Variants in ACOX3 observed in about 807,000 individuals in gnomAD.
The protein encoded by ACOX3 is peroxisomal acyl-coenzyme A oxidase 3.
Under a neutral mutation model 81.5 loss-of-function variants are expected in ACOX3, and 73 were observed. That is an observed-to-expected ratio of 0.90 (90% CI 0.74 to 1.09). The LOEUF is 1.09. ACOX3 is among the 50% of genes least tolerant of loss of function. The pLI is 0.00. For missense variants in ACOX3, 947 were observed against 928.0 expected (o/e 1.02, Z -0.27); for synonymous variants, 387 against 375.1 (o/e 1.03, Z -0.37).
At chr4:8,433,929 C>T (rs1016370552) in intron 1 of ACOX3, among the ~76,000 whole-genome samples, 1 of 152,034 alleles carries the variant, frequency 6.6e-6, no homozygotes, top group Non-Finnish European at 1.5e-5. Flanking sequence ...GCCCTCCTAC[C>T]CCCAAACTTG....
chr4:8,405,857 G>T lies in ACOX3; in HGVS notation c.776+98C>A. The T allele has an allele frequency of 8.2e-7, 1 of 1,220,362 alleles. No homozygotes were observed. The highest frequency in any genetic ancestry group is 2.3e-5 in the East Asian group (1 of 43,050). The allele number at this position is 1,220,362 out of a possible 1,614,324, so 75.6% of individuals were successfully genotyped here. On this transcript the variant is annotated intron_variant, in intron 7 of 17. Coordinates refer to ENST00000356406, the MANE Select transcript of ACOX3 (RefSeq NM_003501.3). The surrounding 1 kb of genome is among the most constrained non-coding windows in gnomAD (Gnocchi z 7.1). The stretch of plus-strand genomic sequence containing the variant: ...CCGCATTTGAGTCTAAGAGGGCAGG[G>T]CATGGCATCCATGGGGCCAGTGAGA...
At chr4:8,361,446 A>AAAAAAC (rs1715233184), downstream of ACOX3, among the ~76,000 whole-genome samples, 1 of 150,536 alleles carries the variant, frequency 6.6e-6, no homozygotes, top group Non-Finnish European at 1.5e-5. Flanking sequence ...AAAAAAAAAA[A>AAAAAAC]AAAAAAAAAA....
chr4:8,371,217 T>C (rs747579), intron 16 of ACOX3, among the ~76,000 whole-genome samples: 13,478 of 152,260 alleles, frequency 0.089, 1,168 homozygotes, highest in African/African-American at 0.22. Context: ...TCAGGACTTC[T>C]AGGGCTTGTT....
Position 8,437,130 on chromosome 4 carries a change from A to AAT in ACOX3, c.-15+3516_-15+3517dup, listed in dbSNP as rs909976277. On this transcript the variant is annotated intron_variant, in intron 1 of 17. Coordinates refer to ENST00000356406, the MANE Select transcript of ACOX3 (RefSeq NM_003501.3). The surrounding 1 kb of genome is among the most constrained non-coding windows in gnomAD (Gnocchi z 5.2). ...ATATATATGTAAAAAAATATATGTAAATATATATATAAATATATATATAGT... is the reference window on the plus strand; with the variant it reads ...ATATATATGTAAAAAAATATATGTAAATATATATATATAAATATATATATAGT... Among the ~76,000 whole-genome samples, 6 of 144,410 alleles carry AAT rather than the reference A, an allele frequency of 4.2e-5. No individual in the cohort carries two copies. The highest frequency in any genetic ancestry group is 1.3e-4 in the African/African-American group (5 of 39,686). The allele number at this position is 144,410 out of a possible 152,430, so 94.7% of individuals were successfully genotyped here.
chr4:8,428,502 G>T (rs1172091370), intron 1 of ACOX3: 1 of 152,344 alleles, frequency 6.6e-6, no homozygotes, highest in Admixed American at 6.5e-5. Flanking sequence ...GGGCGGAGCC[G>T]CGGGCGCCCT....
rs568862573 is a variant in ACOX3, at chr4:8,434,779, GT to G, written c.-15+5868del. 7.2e-5 allele frequency among the ~76,000 whole-genome samples: 11 copies of G among 152,234 alleles called. No homozygotes were observed. In the East Asian group the frequency reaches 2.1e-3, roughly 29 times the overall value. ...TGAAATGCTTGATACTTTGGTTTTT[GT>G]TTTTGACTTGACTTGAATTACTTGA... is the stretch of plus-strand genomic sequence containing the variant. On this transcript the variant is annotated intron_variant, in intron 1 of 17. Coordinates refer to ENST00000356406, the MANE Select transcript of ACOX3 (RefSeq NM_003501.3).
intron 5 of ACOX3, among the ~76,000 whole-genome samples, chr4:8,412,578 G>T (rs1004603046): frequency 5.9e-5 from 9 of 152,200 alleles, no homozygotes; most frequent in Non-Finnish European, 1.0e-4. Context: ...ATGAAAGAAT[G>T]ATGGATGGAT....
chr4:8,391,461 G>A (rs557148402), intron 11 of ACOX3, among the ~76,000 whole-genome samples: 1 of 152,362 alleles, frequency 6.6e-6, no homozygotes, highest in South Asian at 2.1e-4. Flanking sequence ...TGCTGTGGCT[G>A]TTTTGAGTGT....
Position 8,397,154 on chromosome 4 carries a change from G to A in ACOX3, c.874-35C>T, listed in dbSNP as rs77286986. ...GGACACAGATGATAAGCTCAAGCCC[G>A]GCTGCGCGGCCACCTTGGGCAGAGT... On this transcript the variant is annotated intron_variant, in intron 8 of 17. Transcript: ENST00000356406. 7.4e-3 allele frequency: 11,094 copies of A among 1,503,382 alleles called. 63 individuals carry two copies. Among genetic ancestry groups the A allele is most frequent in the Middle Eastern group, 0.022 (100 of 4,462 alleles). 93.1% of individuals were successfully genotyped at this position (1,503,382 alleles called of 1,614,324 possible).
the ACOX3 span, among the ~76,000 whole-genome samples, chr4:8,359,344 C>G: frequency 6.6e-6 from 1 of 151,990 alleles, no homozygotes; most frequent in South Asian, 2.1e-4. The surrounding 1 kb of genome is among the most constrained non-coding windows in gnomAD (Gnocchi z 6.0). Context: ...TGTCCTAAGA[C>G]ACAGTGGGTT....
chr4:8,358,721 T>C, the ACOX3 span, among the ~76,000 whole-genome samples: 2 of 152,166 alleles, frequency 1.3e-5, no homozygotes, highest in Non-Finnish European at 2.9e-5. Flanking sequence ...ACCAGCACCA[T>C]GACAGTTTGC....
At chr4:8,402,741 A>T (rs914288444) in intron 7 of ACOX3, among the ~76,000 whole-genome samples, 3 of 152,212 alleles carry the variant, frequency 2.0e-5, no homozygotes, top group Non-Finnish European at 4.4e-5. Context: ...GTGTGTGTGC[A>T]CAGCACAGGA....
chr4:8,367,099 C>T lies in ACOX3; in HGVS notation c.1984-19G>A. On this transcript the variant is annotated intron_variant, in intron 17 of 17. Coordinates refer to ENST00000356406, the MANE Select transcript of ACOX3 (RefSeq NM_003501.3). ...TGTAGAGCTGCAAACAACACGTACACAGCAAGTGAAGACAAAGAAATAAGA... is the reference window on the plus strand; with the variant it reads ...TGTAGAGCTGCAAACAACACGTACATAGCAAGTGAAGACAAAGAAATAAGA... 3.1e-6 allele frequency: 5 copies of T among 1,610,360 alleles called. No homozygotes were observed. Among genetic ancestry groups the T allele is most frequent in the Non-Finnish European group, 4.2e-6 (5 of 1,177,286 alleles).
At position 8,389,374 on chromosome 4, in the gene ACOX3, A is replaced by C; in HGVS notation, c.1424-88T>G. On this transcript the variant is annotated intron_variant, in intron 12 of 17. Coordinates refer to ENST00000356406, the MANE Select transcript of ACOX3 (RefSeq NM_003501.3). This position sits in a 1 kb window ranked among gnomAD's most constrained non-coding sequence, Gnocchi z 5.3. ...GCTGGGGGCACCCCAAAGCACAGAG[A>C]GTGTCCAGAGGACCCGACGGCCACA... is the stretch of plus-strand genomic sequence containing the variant. The C allele has an allele frequency of 7.1e-7, 1 of 1,400,276 alleles. No individual in the cohort carries two copies. The highest frequency in any genetic ancestry group is 9.8e-7 in the Non-Finnish European group (1 of 1,016,244). 86.7% of individuals were successfully genotyped at this position (1,400,276 alleles called of 1,614,324 possible). A position where few individuals can be genotyped will look rare whatever the true frequency, so the allele number is the denominator to read the frequency against.
In ACOX3 at chr4:8,440,699, A is replaced by C. The variant is rs768774841; in HGVS notation, c.-66T>G. The C allele has an allele frequency of 8.2e-7, 1 of 1,216,082 alleles. No individual in the cohort carries two copies. Among genetic ancestry groups the C allele is most frequent in the Non-Finnish European group, 1.1e-6 (1 of 927,376 alleles). The allele number at this position is 1,216,082 out of a possible 1,614,324, so 75.3% of individuals were successfully genotyped here. On this transcript the variant is annotated 5_prime_UTR_variant, in exon 1 of 18. Coordinates refer to ENST00000356406, the MANE Select transcript of ACOX3 (RefSeq NM_003501.3). ...CCAGGGAAACCAAAAGCAGGAAAGG[A>C]TCTCCAGCGGCGCCATTCTCATTTC...
intron 16 of ACOX3, 121 bp downstream of exon 16, chr4:8,373,440 G>T: frequency 9.8e-7 from 1 of 1,017,756 alleles, no homozygotes. Flanking sequence ...AAGGGGGTGC[G>T]TGTCAGTCTG....
rs778032892 is a variant in ACOX3 at position 8,386,432 on chromosome 4, T to G, written c.1537+2741A>C. 2.6e-5 allele frequency among the ~76,000 whole-genome samples: 4 copies of G among 151,680 alleles called. No homozygotes were observed. The highest frequency in any genetic ancestry group is 4.2e-4 in the South Asian group (2 of 4,798). Reference sequence around the variant, plus strand: ...ATACAAAAAATTAGCCGGGTGTGGTTGTGGGCTCCTGTAGTCCCAGCTACT... The same window carrying G: ...ATACAAAAAATTAGCCGGGTGTGGTGGTGGGCTCCTGTAGTCCCAGCTACT... On this transcript the variant is annotated intron_variant, in intron 13 of 17. Coordinates refer to ENST00000356406, the MANE Select transcript of ACOX3 (RefSeq NM_003501.3). This position sits in a 1 kb window ranked among gnomAD's most constrained non-coding sequence, Gnocchi z 5.2.
rs1447119421 is a variant in ACOX3 at position 8,374,765 on chromosome 4, A to G, written c.1828+213T>C. Reference sequence around the variant, plus strand: ...GTTCTCTGAACCGAACCCCAAGTGAAAGAAAAATTGGGTTTCTCGGCACCA... The same window carrying G: ...GTTCTCTGAACCGAACCCCAAGTGAGAGAAAAATTGGGTTTCTCGGCACCA... On this transcript the variant is annotated intron_variant, in intron 15 of 17. Coordinates refer to ENST00000356406, the MANE Select transcript of ACOX3 (RefSeq NM_003501.3). 3.3e-5 allele frequency: 16 copies of G among 481,650 alleles called. No homozygotes were observed. The East Asian group carries it at 5.3e-4, about 16-fold the overall frequency. 29.8% of individuals were successfully genotyped at this position (481,650 alleles called of 1,614,324 possible). A position where few individuals can be genotyped will look rare whatever the true frequency, so the allele number is the denominator to read the frequency against.
intron 7 of ACOX3, among the ~76,000 whole-genome samples, chr4:8,402,003 G>T (rs1031789141): frequency 7.2e-5 from 11 of 152,236 alleles, no homozygotes; most frequent in African/African-American, 2.4e-4. Flanking sequence ...CCCCCTCCAT[G>T]AGGGGGCCAC....
Sources: gnomAD v4.1 joint callset for allele counts (sites outside exome capture counted in the v4.1 genomes callset) on GRCh38, gnomAD v4.1.1 for gene constraint, Gnocchi (gnomAD v3.1) non-coding constraint, MANE v1.5 for transcripts, NCBI Gene and HGNC (gene_info 2026-07-23, HGNC 2026-07-21) for gene names.